The following HYCC2 variants were observed in gnomAD, a reference collection of about 807,000 sequenced individuals.
The protein encoded by HYCC2 is hyccin 2.
the HYCC2 span, among the ~76,000 whole-genome samples, chr2:201,011,902 A>G: frequency 6.6e-6 from 1 of 152,250 alleles, no homozygotes; most frequent in African/African-American, 2.4e-5. Context: ...AGAAAAACAC[A>G]TTAATTTAAT....
the HYCC2 span, among the ~76,000 whole-genome samples, chr2:201,004,311 C>A: frequency 2.6e-5 from 4 of 152,236 alleles, no homozygotes; most frequent in African/African-American, 9.6e-5. Flanking sequence ...CTTCTAGAAT[C>A]AGGTGACTGG....
chr2:201,025,690 G>T, the HYCC2 span, among the ~76,000 whole-genome samples: 1 of 152,136 alleles, frequency 6.6e-6, no homozygotes, highest in Non-Finnish European at 1.5e-5. Flanking sequence ...TCTAAACGAA[G>T]ATCCAAGTGG....
the HYCC2 span, among the ~76,000 whole-genome samples, chr2:201,006,017 A>C: frequency 6.6e-6 from 1 of 150,850 alleles, no homozygotes; most frequent in Non-Finnish European, 1.5e-5. Flanking sequence ...TGTTTTCAGT[A>C]GAGACAGAGT....
At chr2:201,065,621 A>G in the HYCC2 span, among the ~76,000 whole-genome samples, 2 of 152,262 alleles carry the variant, frequency 1.3e-5, no homozygotes, top group Non-Finnish European at 1.5e-5. Flanking sequence ...AATCAAAGAA[A>G]GAGTAAGAAG....
At chr2:201,034,299 G>A in the HYCC2 span, among the ~76,000 whole-genome samples, 1 of 152,126 alleles carries the variant, frequency 6.6e-6, no homozygotes, top group Non-Finnish European at 1.5e-5. Context: ...TCTGTTTTGG[G>A]TGCATATATA....
the HYCC2 span, among the ~76,000 whole-genome samples, chr2:201,033,764 C>G: frequency 6.6e-6 from 1 of 152,020 alleles, no homozygotes; most frequent in South Asian, 2.1e-4. Context: ...TGGTCTCACT[C>G]CTGGGCTCAA....
chr2:201,006,123 C>T, the HYCC2 span, among the ~76,000 whole-genome samples: 2 of 146,324 alleles, frequency 1.4e-5, no homozygotes, highest in African/African-American at 2.6e-5. Flanking sequence ...TGAGCTATCG[C>T]GCCTGGCTTT....
chr2:200,991,370 C>A, the HYCC2 span, among the ~76,000 whole-genome samples: 1 of 152,044 alleles, frequency 6.6e-6, no homozygotes. Context: ...GAGATCGAGA[C>A]CATCCTGGCT....
the HYCC2 span, among the ~76,000 whole-genome samples, chr2:201,036,606 A>C: frequency 4.6e-5 from 7 of 152,268 alleles, no homozygotes; most frequent in East Asian, 1.2e-3. Flanking sequence ...CAAATCAATA[A>C]AAGTAATCCA....
the HYCC2 span, chr2:201,063,293 G>A: frequency 6.5e-7 from 1 of 1,544,480 alleles, no homozygotes; most frequent in Non-Finnish European, 8.8e-7. Context: ...GAAGGAGGTG[G>A]AGGCAGCTAT....
At chr2:201,029,285 A>G in the HYCC2 span, among the ~76,000 whole-genome samples, 1 of 152,158 alleles carries the variant, frequency 6.6e-6, no homozygotes, top group South Asian at 2.1e-4. Flanking sequence ...TAGAATGGCG[A>G]CCATCAGAAA....
At chr2:201,004,366 T>C in the HYCC2 span, among the ~76,000 whole-genome samples, 51 of 152,324 alleles carry the variant, frequency 3.3e-4, no homozygotes, top group African/African-American at 1.2e-3. Flanking sequence ...GAGTGATCAC[T>C]TGGGTCCATG....
the HYCC2 span, among the ~76,000 whole-genome samples, chr2:201,041,746 ATAC>A: frequency 1.3e-5 from 2 of 152,182 alleles, no homozygotes; most frequent in Non-Finnish European, 2.9e-5. Flanking sequence ...GCTAACAAAG[ATAC>A]TATGATTTCT....
chr2:201,007,726 C>T, the HYCC2 span, among the ~76,000 whole-genome samples: 2 of 152,116 alleles, frequency 1.3e-5, no homozygotes, highest in African/African-American at 4.8e-5. Flanking sequence ...AAAGAACTGC[C>T]GTGTGATTTA....
chr2:200,987,650 T>A, the HYCC2 span: 1 of 703,710 alleles, frequency 1.4e-6, no homozygotes, highest in Non-Finnish European at 2.0e-6. Context: ...CAAACACTAT[T>A]TATATAGTTA....
the HYCC2 span, among the ~76,000 whole-genome samples, chr2:201,027,251 G>A: frequency 2.6e-5 from 4 of 151,980 alleles, no homozygotes; most frequent in East Asian, 1.9e-4. Flanking sequence ...ACACCCTCCT[G>A]AGACTAAACC....
chr2:200,991,645 G>T, the HYCC2 span, among the ~76,000 whole-genome samples: 207 of 152,068 alleles, frequency 1.4e-3, no homozygotes, highest in African/African-American at 4.8e-3. Flanking sequence ...TAAGATGGGA[G>T]GATCGCTTGA....
the HYCC2 span, among the ~76,000 whole-genome samples, chr2:201,013,893 T>C: frequency 6.6e-4 from 100 of 152,312 alleles, no homozygotes; most frequent in African/African-American, 2.2e-3. Flanking sequence ...CTGGGGCTAT[T>C]TGAAACAACG....
the HYCC2 span, among the ~76,000 whole-genome samples, chr2:201,025,227 G>C: frequency 1.3e-5 from 2 of 152,148 alleles, no homozygotes; most frequent in African/African-American, 4.8e-5. Flanking sequence ...AAGTTTATCA[G>C]CACCCAAGTA....
Sources: allele counts gnomAD v4.1 joint callset (sites outside exome capture counted in the v4.1 genomes callset), GRCh38; gene constraint gnomAD v4.1.1; transcripts MANE v1.5; gene names NCBI Gene and HGNC (gene_info 2026-07-23, HGNC 2026-07-21).